Variants in SIN3A observed in about 807,000 individuals in gnomAD.
SIN3A encodes the protein paired amphipathic helix protein Sin3a.
In SIN3A, 14 loss-of-function variants were observed where a neutral mutation model predicts 146.1. The ratio of observed to expected loss-of-function variants is 0.10; its 90% CI spans 0.06 to 0.15. The LOEUF is 0.15. SIN3A is among the 10% of genes least tolerant of loss of function. The probability of loss-of-function intolerance (pLI) is 1.00; values close to 1 mark genes in which losing one functional copy is unlikely to be tolerated. For synonymous variants in SIN3A, 572 were observed against 572.0 expected, an observed-to-expected ratio of 1.00 and a Z score of 0.00; for missense variants, 1,028 against 1,576.0, an observed-to-expected ratio of 0.65 and a Z score of 5.89.
chr15:75,389,765 G>T lies in SIN3A; in HGVS notation c.2908C>A (p.Leu970Met). 6.2e-7 allele frequency: 1 copy of T among 1,614,068 alleles called. No homozygotes were observed. The highest frequency in any genetic ancestry group is 8.5e-7 in the Non-Finnish European group (1 of 1,179,980). Residue 970 changes from leucine (L) to methionine (M), a missense_variant, in exon 16 of 21, where the codon CTG becomes ATG. Around this residue, in one of 9 missense-constraint regions of SIN3A, gnomAD observed 488 missense variants for 690.2 expected, o/e 0.71. Transcript: ENST00000394947. Reference sequence around the variant, plus strand: ...TGTGATGAGTCTATGTTGCCATCCAGCAGGCTCCGCACCATGTCCAGGAAA... The same window carrying T: ...TGTGATGAGTCTATGTTGCCATCCATCAGGCTCCGCACCATGTCCAGGAAA... ...PAFLDMVRSL[L>M]DGNIDSSQYE...
At chr15:75,454,655 C>T (rs2074462610), upstream of SIN3A, among the ~76,000 whole-genome samples, 1 of 152,004 alleles carries the variant, frequency 6.6e-6, no homozygotes, top group Non-Finnish European at 1.5e-5. Flanking sequence ...CCCTTTCAGG[C>T]CACCCCCTCG....
chr15:75,382,330 T>C (rs539576605), intron 17 of SIN3A, among the ~76,000 whole-genome samples: 19 of 152,344 alleles, frequency 1.2e-4, no homozygotes, highest in African/African-American at 4.1e-4. Context: ...ACATAATATA[T>C]ACACACACAA....
At chr15:75,398,133 A>C (rs1405348725) in intron 12 of SIN3A, among the ~76,000 whole-genome samples, 1 of 152,220 alleles carries the variant, frequency 6.6e-6, no homozygotes, top group Non-Finnish European at 1.5e-5. Context: ...AAAACCAGCA[A>C]GATACCTATC....
chr15:75,381,966 A>C (rs1001758862), intron 17 of SIN3A, among the ~76,000 whole-genome samples: 7 of 152,210 alleles, frequency 4.6e-5, no homozygotes, highest in African/African-American at 1.4e-4. Context: ...AATCAATGTC[A>C]GTAAGAATGT....
intron 1 of SIN3A, among the ~76,000 whole-genome samples, chr15:75,444,371 G>A (rs1307225939): frequency 6.6e-6 from 1 of 152,142 alleles, no homozygotes; most frequent in Non-Finnish European, 1.5e-5. Context: ...AACCCAGGAG[G>A]CGGAGGTTGC....
At chr15:75,436,950 A>C (rs2074118113) in intron 1 of SIN3A, among the ~76,000 whole-genome samples, 1 of 152,246 alleles carries the variant, frequency 6.6e-6, no homozygotes, top group Non-Finnish European at 1.5e-5. Flanking sequence ...AAATTAAAAT[A>C]GTAAGTTTAG....
chr15:75,447,009 C>T (rs2074319629), intron 1 of SIN3A, among the ~76,000 whole-genome samples: 1 of 152,148 alleles, frequency 6.6e-6, no homozygotes, highest in Non-Finnish European at 1.5e-5. Context: ...CCTCGTGATC[C>T]GCCTGCCTCA....
At chr15:75,426,512 C>G (rs1168837188) in intron 2 of SIN3A, among the ~76,000 whole-genome samples, 4 of 152,188 alleles carry the variant, frequency 2.6e-5, no homozygotes, top group African/African-American at 9.7e-5. Flanking sequence ...AGGTCACTAA[C>G]AAATGAGGTT....
intron 20 of SIN3A, 142 bp downstream of exon 20, chr15:75,375,523 A>G: frequency 1.5e-6 from 1 of 669,340 alleles, no homozygotes; most frequent in Non-Finnish European, 2.6e-6. Flanking sequence ...CTTAGCAACC[A>G]ACATACGTAC....
intron 9 of SIN3A, among the ~76,000 whole-genome samples, chr15:75,406,809 T>C (rs991539032): frequency 6.6e-6 from 1 of 152,196 alleles, no homozygotes; most frequent in Non-Finnish European, 1.5e-5. Flanking sequence ...AGAAACATAA[T>C]ACATTTTCTA....
At chr15:75,415,031 T>A (rs1193962159) in intron 3 of SIN3A, among the ~76,000 whole-genome samples, 1 of 152,156 alleles carries the variant, frequency 6.6e-6, no homozygotes, top group Admixed American at 6.6e-5. Flanking sequence ...GATTTGTAAA[T>A]CTTGTGAAAA....
chr15:75,451,326 G>A (rs1436607908), intron 1 of SIN3A, 97 bp downstream of exon 1: 7 of 122,422 alleles, frequency 5.7e-5, no homozygotes, highest in Admixed American at 3.2e-4. Flanking sequence ...ACGGGAAGCC[G>A]AGGAGGTCAG....
At chr15:75,411,788 G>C in intron 5 of SIN3A, 45 bp from the exon 6 acceptor site, 1 of 1,519,904 alleles carries the variant, frequency 6.6e-7, no homozygotes, top group Non-Finnish European at 8.8e-7. Flanking sequence ...GCATAGATGA[G>C]TTGATACAAG....
chr15:75,386,747 G>T (rs1415711525), intron 16 of SIN3A, among the ~76,000 whole-genome samples: 1 of 152,166 alleles, frequency 6.6e-6, no homozygotes, highest in Admixed American at 6.5e-5. Context: ...GTCCTATTTT[G>T]AGTTCTGTAC....
At chr15:75,426,491 G>A (rs764474573) in intron 2 of SIN3A, among the ~76,000 whole-genome samples, 22 of 152,246 alleles carry the variant, frequency 1.4e-4, no homozygotes, top group South Asian at 4.1e-4. Flanking sequence ...ATTACCAGCC[G>A]TACATTTTTA....
chr15:75,410,322 T>C (rs1236109560), intron 6 of SIN3A, 36 bp from the exon 7 acceptor site: 1 of 1,604,944 alleles, frequency 6.2e-7, no homozygotes, highest in Admixed American at 1.7e-5. Flanking sequence ...TCATTTGGGC[T>C]ACTGTTTTGA....
rs1264088788 is a variant in SIN3A at position 75,375,942 on chromosome 15, G to A, written c.3384-70C>T. 3.4e-6 allele frequency: 5 copies of A among 1,476,596 alleles called. No individual in the cohort carries two copies. In the African/African-American group the frequency reaches 5.5e-5, roughly 16 times the overall value. 91.5% of individuals were successfully genotyped at this position (1,476,596 alleles called of 1,614,324 possible). A position where few individuals can be genotyped will look rare whatever the true frequency, so the allele number is the denominator to read the frequency against. On this transcript the variant is annotated intron_variant, in intron 19 of 20. Coordinates refer to ENST00000394947, the MANE Select transcript of SIN3A (RefSeq NM_001145358.2). The stretch of plus-strand genomic sequence containing the variant: ...GATTCCCGTGACTTCCCCAAAGTGA[G>A]TTTTCTTTATTATATGCTTGCATAG...
chr15:75,439,427 G>A (rs1474015713), intron 1 of SIN3A, among the ~76,000 whole-genome samples: 1 of 151,140 alleles, frequency 6.6e-6, no homozygotes, highest in African/African-American at 2.4e-5. Flanking sequence ...TGCAAGCTCC[G>A]CCTCCCAGGT....
chr15:75,395,675 G>A (rs1248639373), intron 13 of SIN3A, among the ~76,000 whole-genome samples: 1 of 152,148 alleles, frequency 6.6e-6, no homozygotes, highest in Non-Finnish European at 1.5e-5. Context: ...AAGGCAGGAG[G>A]ATTGCTTGAG....
Sources: allele counts gnomAD v4.1 joint callset (sites outside exome capture counted in the v4.1 genomes callset), GRCh38; gene constraint gnomAD v4.1.1; regional missense constraint gnomAD v4.1.1; transcripts MANE v1.5; gene names NCBI Gene and HGNC (gene_info 2026-07-23, HGNC 2026-07-21).